ZNF780A: variants seen among roughly 807,000 people sequenced by gnomAD.
The protein encoded by ZNF780A is zinc finger protein 780A.
In ZNF780A, 40 loss-of-function variants were observed where a neutral mutation model predicts 56.7. The observed-to-expected ratio is 0.71, with a 90% CI of 0.55 to 0.92. The LOEUF is 0.92. Ranked by LOEUF, ZNF780A falls within the 40% of genes least tolerant of loss-of-function variation. The pLI is 0.00. For synonymous variants in ZNF780A, 231 were observed against 248.3 expected (o/e 0.93, Z 0.66); for missense variants, 672 against 783.3 (o/e 0.86, Z 1.70).
chr19:40,078,591 C>T (rs1974292019), intron 5 of ZNF780A, among the ~76,000 whole-genome samples: 3 of 152,116 alleles, frequency 2.0e-5, no homozygotes, highest in Non-Finnish European at 4.4e-5. Context: ...AGCCGAACAG[C>T]AGATTTCTCA....
At position 40,075,468 on chromosome 19, in the gene ZNF780A, T is replaced by C. The variant is rs1974062508; in HGVS notation, c.974A>G (p.Gln325Arg). ...RYHYQLIEHC[Q>R]IHTGEKPFEC... ...AAAGGGTTTCTCACCAGTATGAATT[T>C]GGCAATGTTCAATAAGTTGGTAATG... The change falls in exon 6 of 6, where the codon CAA becomes CGA. Residue 325 changes from glutamine to arginine, a missense_variant. Gln to Arg is a conservative substitution (Grantham distance 43). Transcript: ENST00000683561. The C allele has an allele frequency of 1.2e-6, 2 of 1,613,802 alleles. No individual in the cohort carries two copies. Among genetic ancestry groups the C allele is most frequent in the African/African-American group, 1.3e-5 (1 of 74,918 alleles).
At position 40,074,988 on chromosome 19, in the gene ZNF780A, C is replaced by A; in HGVS notation, c.1454G>T (p.Gly485Val). 6.2e-7 allele frequency: 1 copy of A among 1,614,096 alleles called. No individual in the cohort carries two copies. The highest frequency in any genetic ancestry group is 8.5e-7 in the Non-Finnish European group (1 of 1,179,998). The change falls in exon 6 of 6, where the codon GGC (glycine) becomes GTC (valine). Residue 485 changes from glycine to valine, a missense_variant. Gly to Val is a moderately radical substitution (Grantham distance 109). Transcript: ENST00000683561. ...CQDCGKAFNRGSSLVQHQSIH... is the reference protein window; with the variant it reads ...CQDCGKAFNRVSSLVQHQSIH... ...ACTCTGATGTTGAACAAGGCTTGAG[C>A]CACGATTGAAGGCCTTCCCACAGTC...
In ZNF780A at chr19:40,074,468, T is replaced by G; in HGVS notation, c.*48A>C. ...TACACCAGCACGAATACTCTGATGT[T>G]GAACATGGTTTGAGACACGATTAAA... On this transcript the variant is annotated 3_prime_UTR_variant, in exon 6 of 6. Coordinates refer to ENST00000683561, the MANE Select transcript of ZNF780A (RefSeq NM_001142578.2). The G allele has an allele frequency of 6.2e-7, 1 of 1,604,808 alleles. No homozygotes were observed. Among genetic ancestry groups the G allele is most frequent in the Non-Finnish European group, 8.5e-7 (1 of 1,175,292 alleles).
intron 3 of ZNF780A, 36 bp downstream of exon 3, chr19:40,084,709 C>T: frequency 2.6e-6 from 4 of 1,543,676 alleles, no homozygotes; most frequent in Non-Finnish European, 3.5e-6. Flanking sequence ...CTGAAAGTCA[C>T]CATATTTCAA....
At position 40,083,395 on chromosome 19, in the gene ZNF780A, T is replaced by A. The variant is rs74573058; in HGVS notation, c.10-158A>T. On this transcript the variant is annotated intron_variant, in intron 3 of 5. Transcript: ENST00000683561. ...GAAGTCTCCTGCTGGCTGAGTATGG[T>A]GGCTTATGCCTATAGTCCCAGCACT... is the stretch of plus-strand genomic sequence containing the variant. Among the ~76,000 whole-genome samples the A allele has an allele frequency of 4.3e-3, 657 of 152,320 alleles. 5 individuals carry two copies. Among genetic ancestry groups the A allele is most frequent in the African/African-American group, 0.015 (636 of 41,562 alleles).
chr19:40,083,906 T>A (rs965014332), intron 3 of ZNF780A, among the ~76,000 whole-genome samples: 1 of 152,000 alleles, frequency 6.6e-6, no homozygotes, highest in Non-Finnish European at 1.5e-5. Context: ...TTTTATTTTT[T>A]ATTTTTTTTC....
chr19:40,080,547 CA>C (rs1460301101), intron 5 of ZNF780A, among the ~76,000 whole-genome samples: 69 of 152,252 alleles, frequency 4.5e-4, no homozygotes, highest in African/African-American at 1.6e-3. Flanking sequence ...CATTGGATGC[CA>C]TTATCCTAAG....
intron 4 of ZNF780A, 42 bp downstream of exon 4, chr19:40,083,067 TCC>T: frequency 6.2e-7 from 1 of 1,613,912 alleles, no homozygotes; most frequent in Non-Finnish European, 8.5e-7. Flanking sequence ...AAGCTGATAT[TCC>T]AGAAAATAGA....
At chr19:40,083,012 A>T in intron 4 of ZNF780A, 99 bp downstream of exon 4, 1 of 1,590,640 alleles carries the variant, frequency 6.3e-7, no homozygotes, top group Non-Finnish European at 8.6e-7. Flanking sequence ...AGAAGAAGGA[A>T]TTCAGCCACC....
intron 5 of ZNF780A, among the ~76,000 whole-genome samples, chr19:40,080,627 G>A (rs1295542535): frequency 6.6e-6 from 1 of 152,112 alleles, no homozygotes; most frequent in African/African-American, 2.4e-5. Flanking sequence ...TAAACACCGA[G>A]TACACATGGA....
At chr19:40,071,796 A>C (rs1973828946), downstream of ZNF780A, 1 of 152,702 alleles carries the variant, frequency 6.5e-6, no homozygotes, top group African/African-American at 2.4e-5. Flanking sequence ...CTGACCTAAC[A>C]GAGCCTCTGG....
chr19:40,072,292 C>G (rs779628697), downstream of ZNF780A: 3 of 165,986 alleles, frequency 1.8e-5, no homozygotes, highest in Non-Finnish European at 4.0e-5. Context: ...GCCAACCTCC[C>G]CAACAGCACT....
In ZNF780A at chr19:40,074,764, T is replaced by C. The variant is rs774913412; in HGVS notation, c.1678A>G (p.Lys560Glu). The change falls in exon 6 of 6, where the codon AAG becomes GAG. Residue 560 changes from lysine to glutamate, a missense_variant. Coordinates refer to ENST00000683561, the MANE Select transcript of ZNF780A (RefSeq NM_001142578.2). ...IHTGKKPFEC[K>E]ECGKAFRLHM... ...AGTCGAAAGGCTTTCCCACATTCCT[T>C]ACATTCAAAGGGTTTCTTTCCAGTA... is the stretch of plus-strand genomic sequence containing the variant. 8 of 1,614,084 alleles carry C rather than the reference T, an allele frequency of 5.0e-6. No individual in the cohort carries two copies. The South Asian group carries it at 8.8e-5, about 18-fold the overall frequency.
In ZNF780A at chr19:40,084,787, C is replaced by T. The variant is rs766038461; in HGVS notation, c.-34G>A. On this transcript the variant is annotated 5_prime_UTR_variant, in exon 3 of 6. Coordinates refer to ENST00000683561, the MANE Select transcript of ZNF780A (RefSeq NM_001142578.2). The stretch of plus-strand genomic sequence containing the variant: ...AATTACAAAACTGGTCAATCTTCCT[C>T]GGGCTTCTCCCCTGGAAAACAACAA... 21 of 1,553,014 alleles carry T rather than the reference C, an allele frequency of 1.4e-5. No homozygotes were observed. The South Asian group carries it at 2.1e-4, about 16-fold the overall frequency.
At chr19:40,069,919 A>T (rs967463611), downstream of ZNF780A, 3 of 152,196 alleles carry the variant, frequency 2.0e-5, no homozygotes, top group Non-Finnish European at 4.4e-5. Flanking sequence ...AGTGTACTAG[A>T]AATGGGAAAA....
intron 5 of ZNF780A, 100 bp downstream of exon 5, chr19:40,081,719 G>T: frequency 9.7e-7 from 1 of 1,032,228 alleles, no homozygotes; most frequent in Non-Finnish European, 1.5e-6. Flanking sequence ...TTGGGTCACT[G>T]AAGAAAGCTT....
Position 40,075,599 on chromosome 19 carries a change from C to T in ZNF780A, c.843G>A (p.Glu281=), listed in dbSNP as rs1303864894. The change falls in exon 6 of 6, where the codon GAG becomes GAA. Residue 281 remains glutamate (E), a synonymous_variant. Coordinates refer to ENST00000683561, the MANE Select transcript of ZNF780A (RefSeq NM_001142578.2). ...CACCACGATTAAAGCCTTTCCCACA[C>T]TCCTTACATTCATATGGTTTTACAC... ...HSGVKPYECK[E]CGKGFNRGAH... is the part of the protein sequence containing the mutation. The T allele has an allele frequency of 2.5e-6, 4 of 1,613,780 alleles. No individual in the cohort carries two copies. Among genetic ancestry groups the T allele is most frequent in the Non-Finnish European group, 1.7e-6 (2 of 1,179,946 alleles).
chr19:40,085,869 C>G (rs998790879), intron 2 of ZNF780A, among the ~76,000 whole-genome samples: 2 of 151,154 alleles, frequency 1.3e-5, no homozygotes, highest in Non-Finnish European at 3.0e-5. Context: ...ACAGAGCGAG[C>G]CTTCATATAA....
chr19:40,088,941 A>G (rs13344062), intron 2 of ZNF780A, among the ~76,000 whole-genome samples: 33,318 of 152,084 alleles, frequency 0.22, 6,356 homozygotes, highest in African/African-American at 0.52. Context: ...CTCTTCAGCC[A>G]AATCTAAAAA....
Sources: allele counts gnomAD v4.1 joint callset (sites outside exome capture counted in the v4.1 genomes callset), GRCh38; gene constraint gnomAD v4.1.1; transcripts MANE v1.5; gene names NCBI Gene and HGNC (gene_info 2026-07-23, HGNC 2026-07-21).